Variants in DMD observed in about 807,000 individuals in gnomAD.
The protein encoded by DMD is dystrophin.
DMD carries 63 observed loss-of-function variants against 330.1 expected under a neutral mutation model. That is an observed-to-expected ratio of 0.19 (90% CI 0.16 to 0.24). DMD has a LOEUF of 0.24. Ranked by LOEUF, DMD falls within the 10% of genes least tolerant of loss-of-function variation. DMD has a pLI of 1.00. For missense variants in DMD, 3,344 were observed against 2,684.1 expected (o/e 1.25, Z -5.43); for synonymous variants, 1,223 against 959.8 (o/e 1.27, Z -5.07).
chrX:33,188,660 C>T (rs2050380501), intron 1 of DMD, among the ~76,000 whole-genome samples: 1 of 111,985 alleles, frequency 8.9e-6, no homozygotes, highest in Non-Finnish European at 1.9e-5. Context: ...GCTCTCAAAG[C>T]TGTTTTATTT....
Position 32,365,105 on chromosome X carries a change from G to A in DMD, c.4940C>T (p.Thr1647Met), listed in dbSNP as rs148868095. ...ALKTVLGKKE[T>M]LVEDKLSLLN... Reference sequence around the variant, plus strand: ...AAGACTGAGTTTATCTTCCACCAACGTCTCCTTCTTGCCCAAAACTGTTTT... The same window carrying A: ...AAGACTGAGTTTATCTTCCACCAACATCTCCTTCTTGCCCAAAACTGTTTT... Residue 1647 changes from threonine (T) to methionine (M), a missense_variant, in exon 35 of 79, where the codon ACG becomes ATG. Coordinates refer to ENST00000357033, the MANE Select transcript of DMD (RefSeq NM_004006.3). 1.7e-5 allele frequency: 20 copies of A among 1,208,089 alleles called. No individual in the cohort carries two copies. Among genetic ancestry groups the A allele is most frequent in the African/African-American group, 1.1e-4 (6 of 56,821 alleles).
Position 31,818,221 on chromosome X carries a change from T to C in DMD, c.7309+1754A>G, listed in dbSNP as rs749570240. ...TTGAGACAGTATATATTTTCTTCAT[T>C]AGTTTATTGTCTTTCTCTTTCAATT... On this transcript the variant is annotated intron_variant, in intron 50 of 78. Transcript: ENST00000357033. Among the ~76,000 whole-genome samples the C allele has an allele frequency of 6.2e-5, 7 of 112,343 alleles. 1 individual carries two copies. The South Asian group carries it at 2.2e-3, about 35-fold the overall frequency.
Position 32,380,503 on chromosome X carries a change from G to T in DMD, c.4845+7C>A. The T allele has an allele frequency of 8.3e-7, 1 of 1,207,845 alleles. No homozygotes were observed. The highest frequency in any genetic ancestry group is 1.1e-6 in the Non-Finnish European group (1 of 892,822). On this transcript the variant is annotated splice_region_variant and intron_variant, in intron 34 of 78. Transcript: ENST00000357033. ...TTCAAAATAACCTTCAGTGATATAG[G>T]TTTTACCTTTCCCCAGGCAACTTCA... is the stretch of plus-strand genomic sequence containing the variant.
chrX:32,780,329 C>T (rs192309805), intron 7 of DMD, among the ~76,000 whole-genome samples: 294 of 112,057 alleles, frequency 2.6e-3, no homozygotes, highest in South Asian at 7.3e-3. Context: ...TTTTATGAGA[C>T]GTGCTATTGA....
chrX:31,848,237 G>C (rs1041593727), intron 48 of DMD, among the ~76,000 whole-genome samples: 2 of 111,791 alleles, frequency 1.8e-5, no homozygotes, highest in South Asian at 3.7e-4. Context: ...ACATAGCCTT[G>C]TAATAGCTCT....
chrX:32,203,258 A>G (rs1040534093), intron 44 of DMD, among the ~76,000 whole-genome samples: 5 of 112,459 alleles, frequency 4.4e-5, no homozygotes, highest in African/African-American at 1.3e-4. Context: ...TTATGTATCT[A>G]TCTCTCCCTG....
At chrX:31,418,142 T>C (rs2063166996) in intron 60 of DMD, among the ~76,000 whole-genome samples, 1 of 111,618 alleles carries the variant, frequency 9.0e-6, no homozygotes, top group Non-Finnish European at 1.9e-5. Context: ...GGGTGGCTTA[T>C]AGACAACCAA....
At chrX:32,123,932 C>T (rs957215560) in intron 44 of DMD, among the ~76,000 whole-genome samples, 6 of 111,919 alleles carry the variant, frequency 5.4e-5, no homozygotes, top group Non-Finnish European at 1.1e-4. Context: ...TAAAACAATT[C>T]ACATGTGTAA....
intron 64 of DMD, among the ~76,000 whole-genome samples, chrX:31,217,092 T>A (rs55964487): frequency 0.032 from 3,437 of 108,762 alleles, 127 homozygotes; most frequent in African/African-American, 0.11. Context: ...TTTTTAATTT[T>A]AGAAGCCTCA....
At chrX:31,177,602 A>C (rs761503188) in intron 71 of DMD, among the ~76,000 whole-genome samples, 1 of 111,311 alleles carries the variant, frequency 9.0e-6, no homozygotes, top group Non-Finnish European at 1.9e-5. Context: ...TTATATGAAG[A>C]AATATATAAA....
chrX:31,907,026 T>C (rs962849709), intron 47 of DMD, among the ~76,000 whole-genome samples: 2 of 112,122 alleles, frequency 1.8e-5, no homozygotes, highest in African/African-American at 6.5e-5. Flanking sequence ...TATTGTGATA[T>C]AAATTTGAAA....
At chrX:31,402,910 A>G (rs1358516047) in intron 60 of DMD, among the ~76,000 whole-genome samples, 1 of 111,558 alleles carries the variant, frequency 9.0e-6, no homozygotes, top group Non-Finnish European at 1.9e-5. Flanking sequence ...AAGAAATATG[A>G]AGAAGTATGA....
At chrX:31,703,524 C>T (rs1355626007) in intron 52 of DMD, among the ~76,000 whole-genome samples, 4 of 112,314 alleles carry the variant, frequency 3.6e-5, no homozygotes, top group African/African-American at 9.7e-5. Flanking sequence ...GCCTTGTTTA[C>T]GTGCCATTCC....
chrX:31,875,424 C>A, intron 47 of DMD, 51 bp from the exon 48 acceptor site: 5 of 906,175 alleles, frequency 5.5e-6, no homozygotes, highest in South Asian at 2.2e-5. Flanking sequence ...AGGCATAAGC[C>A]AAAATGTTTA....
chrX:31,725,461 C>T (rs1015238068), intron 52 of DMD, among the ~76,000 whole-genome samples: 4 of 111,389 alleles, frequency 3.6e-5, no homozygotes, highest in Non-Finnish European at 7.5e-5. Flanking sequence ...GCCTTCAAAG[C>T]ACCCCAATAG....
At chrX:32,003,619 A>C (rs1444475197) in intron 44 of DMD, among the ~76,000 whole-genome samples, 1 of 111,691 alleles carries the variant, frequency 9.0e-6, no homozygotes, top group African/African-American at 3.2e-5. Context: ...TAAATTAACT[A>C]AATCATTTTG....
chrX:33,048,220 G>A (rs925448333), intron 1 of DMD, among the ~76,000 whole-genome samples: 2 of 111,457 alleles, frequency 1.8e-5, no homozygotes, highest in Non-Finnish European at 3.8e-5. Flanking sequence ...TCAGGCAAAC[G>A]GAAACTGCAT....
At chrX:32,422,517 A>G (rs1157027947) in intron 29 of DMD, among the ~76,000 whole-genome samples, 1 of 111,833 alleles carries the variant, frequency 8.9e-6, no homozygotes, top group Admixed American at 9.6e-5. Context: ...TACAGCAAAA[A>G]AGAGCGAACA....
chrX:32,188,071 C>T (rs189636750), intron 44 of DMD, among the ~76,000 whole-genome samples: 1 of 110,855 alleles, frequency 9.0e-6, no homozygotes, highest in African/African-American at 3.3e-5. Context: ...GCAGGCGTAA[C>T]ATCTATATTA....
Sources: allele counts gnomAD v4.1 joint callset (sites outside exome capture counted in the v4.1 genomes callset), GRCh38; gene constraint gnomAD v4.1.1; transcripts MANE v1.5; gene names NCBI Gene and HGNC (gene_info 2026-07-23, HGNC 2026-07-21).